PALM2AKAP2: variants seen among roughly 807,000 people sequenced by gnomAD.
PALM2AKAP2 encodes the protein PALM2-AKAP2 fusion protein.
PALM2AKAP2 carries 37 observed loss-of-function variants against 71.5 expected under a neutral mutation model. That is an observed-to-expected ratio of 0.52 (90% CI 0.40 to 0.68). PALM2AKAP2 has a LOEUF of 0.68. Among genes scored for constraint, PALM2AKAP2 ranks in the 30% least tolerant of loss-of-function variants. The pLI, the probability that PALM2AKAP2 is intolerant of heterozygous loss-of-function variation, is 0.00. For synonymous variants in PALM2AKAP2, 468 were observed against 478.8 expected, an observed-to-expected ratio of 0.98 and a Z score of 0.29; for missense variants, 1,224 against 1,191.8, an observed-to-expected ratio of 1.03 and a Z score of -0.40.
chr9:109,773,581 A>T (rs886481398), intron 1 of PALM2AKAP2, among the ~76,000 whole-genome samples: 1 of 152,224 alleles, frequency 6.6e-6, no homozygotes, highest in Non-Finnish European at 1.5e-5. Flanking sequence ...CTTTAAACTT[A>T]TAAGAATCTA....
At chr9:109,669,344 C>G (rs886739559) in intron 1 of PALM2AKAP2, among the ~76,000 whole-genome samples, 2 of 151,584 alleles carry the variant, frequency 1.3e-5, no homozygotes, top group African/African-American at 4.8e-5. Context: ...CATGGATTCC[C>G]TTTGCTAATA....
At chr9:110,073,863 C>A (rs1834263185) in intron 1 of PALM2AKAP2, among the ~76,000 whole-genome samples, 1 of 152,092 alleles carries the variant, frequency 6.6e-6, no homozygotes, top group Non-Finnish European at 1.5e-5. Context: ...ACTTAGTATA[C>A]CTTTTTTAAT....
intron 7 of PALM2AKAP2, among the ~76,000 whole-genome samples, chr9:110,036,530 GC>G (rs1222804823): frequency 6.6e-6 from 1 of 151,976 alleles, no homozygotes; most frequent in East Asian, 1.9e-4. Context: ...TATTACAATA[GC>G]TTCTAAGTGC....
At chr9:109,922,769 G>GGT (rs1659742328) in intron 3 of PALM2AKAP2, among the ~76,000 whole-genome samples, 1 of 152,140 alleles carries the variant, frequency 6.6e-6, no homozygotes, top group African/African-American at 2.4e-5. Flanking sequence ...GATCCCATGT[G>GGT]GTAAGAGTTG....
chr9:109,715,328 G>T lies in PALM2AKAP2; in HGVS notation c.6-65160G>T, dbSNP rs183906026. Among the ~76,000 whole-genome samples the T allele has an allele frequency of 2.0e-5, 3 of 152,296 alleles. No individual in the cohort carries two copies. In the East Asian group the frequency reaches 5.8e-4, roughly 29 times the overall value. The stretch of plus-strand genomic sequence containing the variant: ...TTGGGGACTTAGGGAAGGCCAGTCC[G>T]TGGCACCTGGGAGGCATGAAATACA... On this transcript the variant is annotated intron_variant, in intron 1 of 6. Transcript: ENST00000374531.
intron 7 of PALM2AKAP2, among the ~76,000 whole-genome samples, chr9:110,016,580 A>C (rs1003958638): frequency 6.6e-6 from 1 of 152,212 alleles, no homozygotes; most frequent in East Asian, 1.9e-4. Context: ...GTCATCTAGA[A>C]ATCCACTTAA....
At chr9:109,810,947 C>T (rs773027743) in intron 1 of PALM2AKAP2, among the ~76,000 whole-genome samples, 3 of 152,142 alleles carry the variant, frequency 2.0e-5, no homozygotes, top group Middle Eastern at 3.4e-3. Context: ...TGACTGCTTC[C>T]GTTTTCTCAG....
At chr9:109,783,506 C>T (rs1367002375) in intron 1 of PALM2AKAP2, among the ~76,000 whole-genome samples, 1 of 151,898 alleles carries the variant, frequency 6.6e-6, no homozygotes, top group Admixed American at 6.6e-5. Context: ...GCCATGTTGC[C>T]CAGGCTGGTC....
At chr9:109,792,040 A>G (rs552406384) in intron 1 of PALM2AKAP2, among the ~76,000 whole-genome samples, 19 of 152,238 alleles carry the variant, frequency 1.2e-4, no homozygotes, top group African/African-American at 3.4e-4. Context: ...AACCAATAGT[A>G]TGTGGGAATG....
chr9:109,876,825 T>C (rs566999852), intron 2 of PALM2AKAP2, among the ~76,000 whole-genome samples: 8 of 152,286 alleles, frequency 5.3e-5, no homozygotes, highest in African/African-American at 1.9e-4. Context: ...TGGCTCCTCC[T>C]GTTGGGATGT....
At chr9:109,741,970 T>C (rs1288114115) in intron 1 of PALM2AKAP2, among the ~76,000 whole-genome samples, 1 of 152,184 alleles carries the variant, frequency 6.6e-6, no homozygotes, top group Non-Finnish European at 1.5e-5. Flanking sequence ...ATAATAGTGG[T>C]CTACTTTGCA....
intron 1 of PALM2AKAP2, among the ~76,000 whole-genome samples, chr9:110,055,683 CATT>C (rs1308976837): frequency 6.6e-6 from 1 of 152,126 alleles, no homozygotes. Context: ...AAAGGATTCT[CATT>C]GTGCAGAGTA....
At chr9:109,660,619 C>T (rs1259843630) in intron 1 of PALM2AKAP2, among the ~76,000 whole-genome samples, 1 of 151,824 alleles carries the variant, frequency 6.6e-6, no homozygotes, top group African/African-American at 2.4e-5. Flanking sequence ...GGGTTGTTTC[C>T]AAGTCTTTTC....
intron 1 of PALM2AKAP2, among the ~76,000 whole-genome samples, chr9:110,103,146 G>A (rs1835039800): frequency 6.6e-6 from 1 of 152,088 alleles, no homozygotes; most frequent in African/African-American, 2.4e-5. Context: ...TCCTATTGTA[G>A]GCACTCTCAG....
At chr9:110,046,464 CT>C (rs10601764), upstream of PALM2AKAP2, among the ~76,000 whole-genome samples, 2,033 of 104,588 alleles carry the variant, frequency 0.019, 22 homozygotes, top group African/African-American at 0.062. Context: ...GATTGCTTTA[CT>C]TTTTTTTTTT....
intron 6 of PALM2AKAP2, among the ~76,000 whole-genome samples, chr9:109,953,057 C>T (rs1051601157): frequency 1.3e-5 from 2 of 152,186 alleles, no homozygotes; most frequent in African/African-American, 2.4e-5. Flanking sequence ...GAAAGGGAAG[C>T]TGCTTTGGCC....
intron 3 of PALM2AKAP2, among the ~76,000 whole-genome samples, chr9:110,161,128 G>A (rs1836584379): frequency 6.6e-6 from 1 of 152,152 alleles, no homozygotes; most frequent in Admixed American, 6.5e-5. Flanking sequence ...GTACCCTAGT[G>A]AAGATGCAAA....
chr9:109,668,930 C>A (rs556143740), intron 1 of PALM2AKAP2, among the ~76,000 whole-genome samples: 5 of 152,316 alleles, frequency 3.3e-5, no homozygotes, highest in African/African-American at 4.8e-5. Flanking sequence ...TGGGACCTAT[C>A]TTGATACTCT....
chr9:109,715,159 G>A (rs1179124479), intron 1 of PALM2AKAP2, among the ~76,000 whole-genome samples: 2 of 152,168 alleles, frequency 1.3e-5, no homozygotes, highest in Non-Finnish European at 2.9e-5. Flanking sequence ...TACTTTCTCG[G>A]TTCCAGGTGC....
Sources: allele counts gnomAD v4.1 joint callset (sites outside exome capture counted in the v4.1 genomes callset), GRCh38; gene constraint gnomAD v4.1.1; transcripts MANE v1.5; gene names NCBI Gene and HGNC (gene_info 2026-07-23, HGNC 2026-07-21).